ZFP62: variants seen among roughly 807,000 people sequenced by gnomAD.
ZFP62 encodes zinc finger protein 62 homolog.
In ZFP62, 44 loss-of-function variants were observed where a neutral mutation model predicts 56.4. That is an observed-to-expected ratio of 0.78 (90% CI 0.61 to 1.00). The LOEUF is 1.00. Ranked by LOEUF, ZFP62 falls within the 50% of genes least tolerant of loss-of-function variation. The pLI is 0.00. For synonymous variants in ZFP62, 421 were observed against 388.9 expected (o/e 1.08, Z -0.97); for missense variants, 1,030 against 1,085.7 (o/e 0.95, Z 0.72).
At chr5:180,856,331 A>G (rs1335479389) in intron 1 of ZFP62, among the ~76,000 whole-genome samples, 1 of 152,236 alleles carries the variant, frequency 6.6e-6, no homozygotes, top group Non-Finnish European at 1.5e-5. Context: ...ATCTATGTTA[A>G]TCAATACTAA....
At position 180,849,901 on chromosome 5, in the gene ZFP62, G is replaced by A. The variant is rs1453650760; in HGVS notation, c.1594C>T (p.Pro532Ser). The change falls in exon 2 of 2, where the codon CCC (proline) becomes TCC (serine). Residue 532 changes from proline (P) to serine (S), a missense_variant. By Grantham distance (74) the Pro-to-Ser change is moderately conservative. Coordinates refer to ENST00000502412, the MANE Select transcript of ZFP62 (RefSeq NM_001172638.2). Reference sequence around the variant, plus strand: ...TTACCACACTCATCACACCCAAAGGGTTTTTCCCTGGTATGAATCCTTTTA... The same window carrying A: ...TTACCACACTCATCACACCCAAAGGATTTTTCCCTGGTATGAATCCTTTTA... ...QHKRIHTREK[P>S]FGCDECGKAF... The A allele has an allele frequency of 3.9e-6, 6 of 1,551,690 alleles. No individual in the cohort carries two copies. The Admixed American group carries it at 1.2e-4, about 30-fold the overall frequency.
the ZFP62 span, among the ~76,000 whole-genome samples, chr5:180,839,905 C>T: frequency 6.6e-6 from 1 of 152,190 alleles, no homozygotes; most frequent in Non-Finnish European, 1.5e-5. Flanking sequence ...CTCTGCCCCA[C>T]CCACCATTTT....
chr5:180,844,795 T>C (rs1321132093), downstream of ZFP62, among the ~76,000 whole-genome samples: 1 of 152,228 alleles, frequency 6.6e-6, no homozygotes, highest in African/African-American at 2.4e-5. Flanking sequence ...TCTCAAGTTT[T>C]GTCTGAGTAG....
chr5:180,857,990 C>T (rs974559775), intron 1 of ZFP62, among the ~76,000 whole-genome samples: 6 of 151,410 alleles, frequency 4.0e-5, no homozygotes, highest in Admixed American at 2.0e-4. Flanking sequence ...CAGTGGCTCA[C>T]GCCTATAAGC....
chr5:180,849,660 A>G lies in ZFP62; in HGVS notation c.1835T>C (p.Leu612Pro). Residue 612 changes from leucine (L) to proline (P), a missense_variant, in exon 2 of 2, where the codon CTT becomes CCT. Coordinates refer to ENST00000502412, the MANE Select transcript of ZFP62 (RefSeq NM_001172638.2). ...RTLTNHKKVH[L>P]GEKPYKCDVC... ...ATCACATTTGTAGGGCTTCTCCCCA[A>G]GATGAACTTTTTTGTGGTTTGTAAG... 3.2e-6 allele frequency: 5 copies of G among 1,551,744 alleles called. No individual in the cohort carries two copies. The highest frequency in any genetic ancestry group is 4.4e-6 in the Non-Finnish European group (5 of 1,147,010).
chr5:180,848,797 G>A lies in ZFP62; in HGVS notation c.2698C>T (p.Leu900=), dbSNP rs1773514892. 6.6e-7 allele frequency: 1 copy of A among 1,525,412 alleles called. No homozygotes were observed. Among genetic ancestry groups the A allele is most frequent in the Middle Eastern group, 1.7e-4 (1 of 5,848 alleles). The allele number at this position is 1,525,412 out of a possible 1,614,324, so 94.5% of individuals were successfully genotyped here. The part of the protein sequence containing the change: ...ALDGGRMRMP[L] ...GACTTGGTAAGCTCTGCCTGCTACA[G>A]AGGCATCCTCATCCTGCCCCCATCC... The change falls in exon 2 of 2, where the codon CTG becomes TTG. Residue 900 remains leucine (L), a synonymous_variant. Transcript: ENST00000502412.
chr5:180,833,498 GAGAAC>G, the ZFP62 span, among the ~76,000 whole-genome samples: 1 of 139,358 alleles, frequency 7.2e-6, no homozygotes, highest in Non-Finnish European at 1.5e-5. Flanking sequence ...AAAAAAAAAA[GAGAAC>G]AGAGAGCTAG....
At chr5:180,856,506 T>C (rs2619758) in intron 1 of ZFP62, among the ~76,000 whole-genome samples, 104,597 of 152,052 alleles carry the variant, frequency 0.69, 37,917 homozygotes, top group East Asian at 0.96. Context: ...TGAGGCTAAG[T>C]GTTGCCCAAG....
Position 180,850,177 on chromosome 5 carries a change from T to C in ZFP62, c.1318A>G (p.Arg440Gly), listed in dbSNP as rs1025059423. 74 of 1,551,788 alleles carry C rather than the reference T, an allele frequency of 4.8e-5. No homozygotes were observed. The highest frequency in any genetic ancestry group is 6.1e-5 in the Non-Finnish European group (70 of 1,147,078). The change falls in exon 2 of 2, where the codon AGA (arginine) becomes GGA (glycine). Residue 440 changes from arginine (R) to glycine (G), a missense_variant. Arg to Gly is a moderately radical substitution (Grantham distance 125). Coordinates refer to ENST00000502412, the MANE Select transcript of ZFP62 (RefSeq NM_001172638.2). ...GGTCTCTCTCCGGTATGAATAGTTC[T>C]GTGTTGAAGAAGTAGTGAGTTATAA... is the stretch of plus-strand genomic sequence containing the variant. ...FSYNSLLLQHRTIHTGERPYV... is the reference protein window; with the variant it reads ...FSYNSLLLQHGTIHTGERPYV...
chr5:180,842,831 C>T (rs771619000), downstream of ZFP62, among the ~76,000 whole-genome samples: 12 of 151,986 alleles, frequency 7.9e-5, no homozygotes, highest in Non-Finnish European at 1.6e-4. Flanking sequence ...CACCTGAGGT[C>T]AGGAGTTCAA....
intron 1 of ZFP62, chr5:180,860,457 T>G (rs1774238950): frequency 6.6e-6 from 1 of 152,148 alleles, no homozygotes; most frequent in South Asian, 2.1e-4. Flanking sequence ...AGTGATCTTT[T>G]CCGTCCCACC....
chr5:180,849,210 C>A lies in ZFP62; in HGVS notation c.2285G>T (p.Cys762Phe). 6.4e-7 allele frequency: 1 copy of A among 1,560,190 alleles called. No homozygotes were observed. The highest frequency in any genetic ancestry group is 8.7e-7 in the Non-Finnish European group (1 of 1,152,208). ...TGEKPYVCDR[C>F]GKAFRNSSGL... Reference sequence around the variant, plus strand: ...TGAGCTGTTCCTGAAGGCCTTCCCACACCTATCACACACATAGGGTTTCTC... The same window carrying A: ...TGAGCTGTTCCTGAAGGCCTTCCCAAACCTATCACACACATAGGGTTTCTC... Residue 762 changes from cysteine to phenylalanine, a missense_variant, in exon 2 of 2, where the codon TGT becomes TTT. Physicochemically the swap from Cys to Phe is radical, Grantham distance 205. Transcript: ENST00000502412.
rs769403104 is a variant in ZFP62 at position 180,861,273 on chromosome 5, G to C, written c.-54C>G. 1 of 397,310 alleles carries C rather than the reference G, an allele frequency of 2.5e-6. No homozygotes were observed. Among genetic ancestry groups the C allele is most frequent in the Non-Finnish European group, 4.4e-6 (1 of 225,158 alleles). The allele number at this position is 397,310 out of a possible 1,614,324, so 24.6% of individuals were successfully genotyped here. A position where few individuals can be genotyped will look rare whatever the true frequency, so the allele number is the denominator to read the frequency against. On this transcript the variant is annotated 5_prime_UTR_variant, in exon 1 of 2. Transcript: ENST00000502412. ...CGCCAGCGGGACAAAAGCGCGGACC[G>C]CACGGCCGGAAGAACCCGCGCCGGC...
intron 1 of ZFP62, among the ~76,000 whole-genome samples, chr5:180,854,341 T>G (rs1773862845): frequency 6.6e-6 from 1 of 151,928 alleles, no homozygotes; most frequent in Non-Finnish European, 1.5e-5. Flanking sequence ...AAGATAGGAT[T>G]TCATGAGTCT....
At position 180,847,919 on chromosome 5, in the gene ZFP62, T is replaced by C. The variant is rs1773470020; in HGVS notation, c.*873A>G. The C allele has an allele frequency of 8.1e-6, 8 of 985,450 alleles. No individual in the cohort carries two copies. The highest frequency in any genetic ancestry group is 9.6e-6 in the Non-Finnish European group (8 of 829,930). The allele number at this position is 985,450 out of a possible 1,614,324, so 61.0% of individuals were successfully genotyped here. A position where few individuals can be genotyped will look rare whatever the true frequency, so the allele number is the denominator to read the frequency against. On this transcript the variant is annotated 3_prime_UTR_variant, in exon 2 of 2. Transcript: ENST00000502412. ...CATAGGAATCCCTGAATCACTTCTG[T>C]CATGTAAGGTGCGAATTCATGTTGA...
chr5:180,848,084 T>C lies in ZFP62; in HGVS notation c.*708A>G, dbSNP rs529891788. The C allele has an allele frequency of 6.1e-5, 60 of 982,998 alleles. No homozygotes were observed. In the African/African-American group the frequency reaches 1.0e-3, roughly 16 times the overall value. The allele number at this position is 982,998 out of a possible 1,614,324, so 60.9% of individuals were successfully genotyped here. A position where few individuals can be genotyped will look rare whatever the true frequency, so the allele number is the denominator to read the frequency against. On this transcript the variant is annotated 3_prime_UTR_variant, in exon 2 of 2. Coordinates refer to ENST00000502412, the MANE Select transcript of ZFP62 (RefSeq NM_001172638.2). ...TTCATTATGGGAGTTCATCTGAAAC[T>C]TTAAAAAAGTTTCATCCATTCAACT...
At chr5:180,842,450 G>C in the ZFP62 span, among the ~76,000 whole-genome samples, 3 of 151,948 alleles carry the variant, frequency 2.0e-5, no homozygotes, top group Non-Finnish European at 4.4e-5. Flanking sequence ...GGAATAAACC[G>C]AAGATTAAAA....
chr5:180,836,016 ATACT>A, the ZFP62 span, among the ~76,000 whole-genome samples: 3 of 152,194 alleles, frequency 2.0e-5, no homozygotes, highest in South Asian at 2.1e-4. Flanking sequence ...AGATACACAA[ATACT>A]TACCGTGTTA....
At chr5:180,856,042 G>A (rs1399703928) in intron 1 of ZFP62, among the ~76,000 whole-genome samples, 2 of 152,172 alleles carry the variant, frequency 1.3e-5, no homozygotes, top group Non-Finnish European at 2.9e-5. Context: ...TTTGACAAGT[G>A]GATTATTCGT....
Sources: allele counts gnomAD v4.1 joint callset (sites outside exome capture counted in the v4.1 genomes callset), GRCh38; gene constraint gnomAD v4.1.1; transcripts MANE v1.5; gene names NCBI Gene and HGNC (gene_info 2026-07-23, HGNC 2026-07-21).